The following MSR1 variants were observed in gnomAD, a reference collection of about 807,000 sequenced individuals.
MSR1 encodes the protein macrophage scavenger receptor 1.
In MSR1, 53 loss-of-function variants were observed where a neutral mutation model predicts 47.2. That is an observed-to-expected ratio of 1.12 (90% confidence interval 0.90 to 1.41). The LOEUF is 1.41. Among genes scored for constraint, MSR1 ranks in the 40% most tolerant of loss-of-function variants. MSR1 has a pLI of 0.00. For missense variants in MSR1, 786 were observed against 546.9 expected (o/e 1.44, Z -4.36); for synonymous variants, 239 against 185.6 (o/e 1.29, Z -2.34).
chr8:16,137,534 G>C (rs1800421676), intron 8 of MSR1, among the ~76,000 whole-genome samples: 1 of 152,082 alleles, frequency 6.6e-6, no homozygotes. Context: ...TAATACTAGT[G>C]TGGGAATATT....
intron 1 of MSR1, among the ~76,000 whole-genome samples, chr8:16,188,967 CAT>C (rs200739372): frequency 0.58 from 70,353 of 121,324 alleles, 21,378 homozygotes; most frequent in Non-Finnish European, 0.72. Context: ...AACACACATA[CAT>C]ATATATATAT....
At chr8:16,149,872 C>T (rs769549777) in intron 7 of MSR1, among the ~76,000 whole-genome samples, 4 of 151,536 alleles carry the variant, frequency 2.6e-5, no homozygotes, top group African/African-American at 4.9e-5. Context: ...TGTTCAAAGA[C>T]GGATATCATT....
chr8:16,137,077 G>GGA lies in MSR1; in HGVS notation c.1033+6479_1033+6480dup, dbSNP rs1237155831. On this transcript the variant is annotated intron_variant, in intron 8 of 9. Transcript: ENST00000262101. ...GACACAATAAAAAAAGAGAGACATT[G>GGA]GAGCAGCCAAATAATAGTGAAAAAT... Among the ~76,000 whole-genome samples the GGA allele has an allele frequency of 4.6e-5, 7 of 152,136 alleles. No individual in the cohort carries two copies. The East Asian group carries it at 1.4e-3, about 29-fold the overall frequency.
intron 7 of MSR1, among the ~76,000 whole-genome samples, chr8:16,148,576 C>T (rs1331505383): frequency 6.6e-6 from 1 of 152,002 alleles, no homozygotes; most frequent in Non-Finnish European, 1.5e-5. Flanking sequence ...CCCACCTCAG[C>T]CTCCTGAATA....
intron 8 of MSR1, among the ~76,000 whole-genome samples, chr8:16,126,745 C>T (rs371772213): frequency 9.2e-5 from 14 of 152,170 alleles, no homozygotes; most frequent in Admixed American, 3.9e-4. Context: ...TTTGAAGAGA[C>T]GGGATTTCAC....
chr8:16,127,916 G>C (rs1800165414), intron 8 of MSR1, among the ~76,000 whole-genome samples: 1 of 152,110 alleles, frequency 6.6e-6, no homozygotes, highest in African/African-American at 2.4e-5. Context: ...AGGTCATCCT[G>C]TTTGTCATTA....
rs1454433907 is a variant in MSR1, at chr8:16,120,555, C to T, written c.1085G>A (p.Arg362Lys). 1 of 1,611,134 alleles carries T rather than the reference C, an allele frequency of 6.2e-7. No homozygotes were observed. Among genetic ancestry groups the T allele is most frequent in the Non-Finnish European group, 8.5e-7 (1 of 1,179,508 alleles). Residue 362 changes from arginine (R) to lysine (K), a missense_variant, in exon 9 of 10, where the codon AGG (arginine) becomes AAG (lysine). Physicochemically the swap from Arg to Lys is conservative, Grantham distance 26. Transcript: ENST00000262101. ...CTGGCCGCTGTGGAGTATCTCCACC[C>T]TCCCCTCGTGAGGGCCGCTCCCACC... Reference protein sequence around the residue: ...LVGGSGPHEGRVEILHSGQWG... With the variant: ...LVGGSGPHEGKVEILHSGQWG...
chr8:16,177,884 A>T lies in MSR1; in HGVS notation c.103+2T>A, dbSNP rs752659083. The T allele has an allele frequency of 6.2e-7, 1 of 1,613,004 alleles. No individual in the cohort carries two copies. The highest frequency in any genetic ancestry group is 8.5e-7 in the Non-Finnish European group (1 of 1,179,250). ...ATGGGCAGCCCATCCCCCTCTACTT[A>T]CTCGGAGGAAGCAAAGCTGTCATTG... On this transcript the variant is annotated splice_donor_variant, in intron 2 of 9. Coordinates refer to ENST00000262101, the MANE Select transcript of MSR1 (RefSeq NM_138715.3). LOFTEE classifies it high-confidence loss of function.
chr8:16,168,988 G>T, intron 3 of MSR1, 118 bp from the exon 4 acceptor site: 1 of 1,048,106 alleles, frequency 9.5e-7, no homozygotes, highest in Non-Finnish European at 1.4e-6. Flanking sequence ...CATTTTGAAT[G>T]CTAGGCTAAA....
chr8:16,186,184 T>C (rs1385184182), intron 1 of MSR1: 14 of 1,535,388 alleles, frequency 9.1e-6, no homozygotes, highest in Non-Finnish European at 1.1e-5. Flanking sequence ...AGAGAGATAC[T>C]GATGATTGCA....
chr8:16,128,021 T>C (rs1210622519), intron 8 of MSR1, among the ~76,000 whole-genome samples: 1 of 152,160 alleles, frequency 6.6e-6, no homozygotes, highest in Non-Finnish European at 1.5e-5. Flanking sequence ...CACTGAAATG[T>C]AAATACACAA....
At chr8:16,149,106 T>C (rs912588821) in intron 7 of MSR1, among the ~76,000 whole-genome samples, 18 of 152,110 alleles carry the variant, frequency 1.2e-4, no homozygotes, top group African/African-American at 4.1e-4. Flanking sequence ...TAATGATGGA[T>C]ACATGACATT....
At position 16,150,247 on chromosome 8, in the gene MSR1, T is replaced by C. The variant is rs746105324; in HGVS notation, c.963A>G (p.Gly321=). 9.6e-6 allele frequency: 15 copies of C among 1,558,844 alleles called. No homozygotes were observed. The highest frequency in any genetic ancestry group is 1.2e-5 in the Non-Finnish European group (14 of 1,148,814). ...IGFPGSRGLP[G]YAGRPGNSGP... ...TTGTAATACCTGGCCTTCCGGCATA[T>C]CCTGGGAGTCCTCGACTTCCAGGAA... The change falls in exon 7 of 10, where the codon GGA becomes GGG. Residue 321 remains glycine, a synonymous_variant. Transcript: ENST00000262101.
chr8:16,112,176 T>C lies in MSR1; in HGVS notation c.1223-1958A>G, dbSNP rs1425555932. ...GTGACAAATGTATTGTGGAATTTGG[T>C]ATCTCTGTCTTTTGCTATGTGGAAC... On this transcript the variant is annotated intron_variant, in intron 9 of 9. Coordinates refer to ENST00000262101, the MANE Select transcript of MSR1 (RefSeq NM_138715.3). 2.0e-5 allele frequency among the ~76,000 whole-genome samples: 3 copies of C among 152,200 alleles called. No individual in the cohort carries two copies. In the South Asian group the frequency reaches 6.2e-4, roughly 32 times the overall value.
At chr8:16,135,707 A>G (rs1308613359) in intron 8 of MSR1, among the ~76,000 whole-genome samples, 3 of 152,156 alleles carry the variant, frequency 2.0e-5, no homozygotes, top group Non-Finnish European at 4.4e-5. Flanking sequence ...TAAATTGAAA[A>G]CTTTTTGGAA....
At chr8:16,187,271 G>A (rs191892462) in intron 1 of MSR1, among the ~76,000 whole-genome samples, 51 of 143,796 alleles carry the variant, frequency 3.5e-4, no homozygotes, top group African/African-American at 1.2e-3. Flanking sequence ...GCTGAGACAG[G>A]AGAATTGCTT....
intron 7 of MSR1, among the ~76,000 whole-genome samples, chr8:16,149,389 T>C (rs1051579590): frequency 1.3e-5 from 2 of 152,034 alleles, no homozygotes; most frequent in African/African-American, 4.8e-5. Context: ...CCTATTCCTT[T>C]TTTTTCTTTT....
intron 5 of MSR1, among the ~76,000 whole-genome samples, chr8:16,157,844 C>A (rs964356187): frequency 1.3e-5 from 2 of 151,892 alleles, no homozygotes; most frequent in Admixed American, 1.3e-4. Flanking sequence ...ATCTGTTTCA[C>A]CTCCTAGTTC....
intron 4 of MSR1, among the ~76,000 whole-genome samples, chr8:16,166,337 T>A (rs941181155): frequency 2.7e-5 from 4 of 150,790 alleles, no homozygotes; most frequent in Non-Finnish European, 4.4e-5. Flanking sequence ...TTTTTTTTTT[T>A]AATTTTGTAG....
Sources: gnomAD v4.1 joint callset for allele counts (sites outside exome capture counted in the v4.1 genomes callset) on GRCh38, gnomAD v4.1.1 for gene constraint, MANE v1.5 for transcripts, NCBI Gene and HGNC (gene_info 2026-07-23, HGNC 2026-07-21) for gene names.